Variants in PIGK observed in about 807,000 individuals in gnomAD.
PIGK encodes the protein phosphatidylinositol glycan anchor biosynthesis class K.
In PIGK, 42 loss-of-function variants were observed where a neutral mutation model predicts 50.6. The ratio of observed to expected loss-of-function variants is 0.83; its 90% confidence interval spans 0.65 to 1.07. PIGK has a LOEUF of 1.07. PIGK is among the 50% of genes least tolerant of loss of function. The probability of loss-of-function intolerance (pLI) is 0.00; values close to 1 mark genes in which losing one functional copy is unlikely to be tolerated. For missense variants in PIGK, 448 were observed against 488.7 expected (o/e 0.92, Z 0.78); for synonymous variants, 151 against 156.0 (o/e 0.97, Z 0.24).
chr1:77,198,498 G>A (rs951879916), intron 3 of PIGK, among the ~76,000 whole-genome samples: 1 of 151,900 alleles, frequency 6.6e-6, no homozygotes, highest in Non-Finnish European at 1.5e-5. Context: ...ATTGTTTGAA[G>A]ATTTTATGGC....
chr1:77,184,279 G>A (rs1432121470), intron 3 of PIGK, among the ~76,000 whole-genome samples: 1 of 151,968 alleles, frequency 6.6e-6, no homozygotes, highest in African/African-American at 2.4e-5. Context: ...AGAAAACTTC[G>A]AGGTCAAATG....
chr1:77,091,745 C>T lies in PIGK; in HGVS notation c.*629G>A, dbSNP rs1653304674. On this transcript the variant is annotated 3_prime_UTR_variant, in exon 11 of 11. Transcript: ENST00000370812. Reference sequence around the variant, plus strand: ...TAAAGCTGCAGGATTCCATGAGTGACCAGCAGTAAAATATTAATACATTAA... The same window carrying T: ...TAAAGCTGCAGGATTCCATGAGTGATCAGCAGTAAAATATTAATACATTAA... The T allele has an allele frequency of 6.6e-6, 1 of 152,006 alleles. No individual in the cohort carries two copies. Among genetic ancestry groups the T allele is most frequent in the Non-Finnish European group, 1.5e-5 (1 of 68,004 alleles). The allele number at this position is 152,006 out of a possible 1,614,324, so 9.4% of individuals were successfully genotyped here. A position where few individuals can be genotyped will look rare whatever the true frequency, so the allele number is the denominator to read the frequency against.
intron 9 of PIGK, chr1:77,154,148 C>T (rs977588831): frequency 9.2e-6 from 4 of 433,106 alleles, no homozygotes; most frequent in Non-Finnish European, 1.6e-5. Context: ...AAAATTATGG[C>T]GCTGGGATAG....
intron 10 of PIGK, among the ~76,000 whole-genome samples, chr1:77,100,355 T>G (rs1467371832): frequency 6.6e-6 from 1 of 152,226 alleles, no homozygotes; most frequent in Non-Finnish European, 1.5e-5. Context: ...TTATTAGTAT[T>G]TCCAGTCTAT....
chr1:77,111,525 C>T (rs1653843795), intron 10 of PIGK, among the ~76,000 whole-genome samples: 1 of 150,480 alleles, frequency 6.6e-6, no homozygotes. Flanking sequence ...CCAAACACCA[C>T]ATGTTCTCAC....
At chr1:77,095,243 A>G (rs1653383091) in intron 10 of PIGK, among the ~76,000 whole-genome samples, 1 of 152,148 alleles carries the variant, frequency 6.6e-6, no homozygotes, top group South Asian at 2.1e-4. Context: ...ACAACAGCAC[A>G]CCCTACCAAA....
chr1:77,147,363 G>C (rs1300418956), intron 9 of PIGK, among the ~76,000 whole-genome samples: 1 of 151,006 alleles, frequency 6.6e-6, no homozygotes, highest in Non-Finnish European at 1.5e-5. Flanking sequence ...CAGGAGGAGA[G>C]AGGAGGGAAC....
intron 10 of PIGK, among the ~76,000 whole-genome samples, chr1:77,121,780 G>A (rs916866073): frequency 5.9e-5 from 9 of 152,230 alleles, no homozygotes; most frequent in South Asian, 2.1e-4. Context: ...TATGTAGAAC[G>A]GATGATAAAA....
At chr1:77,210,359 CA>C in intron 2 of PIGK, 76 bp downstream of exon 2, 1 of 797,318 alleles carries the variant, frequency 1.3e-6, no homozygotes, top group Non-Finnish European at 1.9e-6. Flanking sequence ...ATTGTATTTT[CA>C]AAAATTTGAT....
chr1:77,134,453 G>A (rs1654453100), intron 9 of PIGK, among the ~76,000 whole-genome samples: 1 of 152,182 alleles, frequency 6.6e-6, no homozygotes, highest in Admixed American at 6.5e-5. Flanking sequence ...ATCTTGAAAA[G>A]GAAAGTTATT....
chr1:77,106,289 AGGACT>A, intron 10 of PIGK, among the ~76,000 whole-genome samples: 1 of 152,148 alleles, frequency 6.6e-6, no homozygotes, highest in East Asian at 1.9e-4. Context: ...GTGGAAAAGG[AGGACT>A]GGCATCCTCC....
intron 9 of PIGK, among the ~76,000 whole-genome samples, chr1:77,137,368 G>A (rs1490063697): frequency 6.6e-6 from 1 of 152,144 alleles, no homozygotes; most frequent in Non-Finnish European, 1.5e-5. Flanking sequence ...ATATGTGGTT[G>A]TTATTTAGAC....
chr1:77,104,403 A>C (rs1182736486), intron 10 of PIGK, among the ~76,000 whole-genome samples: 1 of 152,236 alleles, frequency 6.6e-6, no homozygotes, highest in Non-Finnish European at 1.5e-5. Flanking sequence ...TCTTGAGATA[A>C]AAAATATGAA....
intron 9 of PIGK, among the ~76,000 whole-genome samples, chr1:77,139,286 C>T (rs1196539726): frequency 6.6e-6 from 1 of 151,688 alleles, no homozygotes; most frequent in African/African-American, 2.4e-5. Flanking sequence ...CTGTTGCAAG[C>T]CACTGTTCAG....
intron 3 of PIGK, among the ~76,000 whole-genome samples, chr1:77,201,914 C>G (rs1190644732): frequency 2.0e-5 from 3 of 151,770 alleles, no homozygotes; most frequent in African/African-American, 4.8e-5. Flanking sequence ...AAAAATTAGC[C>G]AGGCATGGTG....
intron 9 of PIGK, among the ~76,000 whole-genome samples, chr1:77,143,062 A>G (rs1002734691): frequency 2.0e-5 from 3 of 152,204 alleles, no homozygotes; most frequent in African/African-American, 7.2e-5. Flanking sequence ...ACAGATTTAT[A>G]TATTAATGTA....
At chr1:77,110,157 A>G (rs1371856699) in intron 10 of PIGK, among the ~76,000 whole-genome samples, 2 of 152,242 alleles carry the variant, frequency 1.3e-5, no homozygotes, top group Non-Finnish European at 2.9e-5. Flanking sequence ...GGTAGGAAGA[A>G]TCAATATCGA....
chr1:77,139,197 T>A (rs750866475), intron 9 of PIGK, among the ~76,000 whole-genome samples: 2 of 152,098 alleles, frequency 1.3e-5, no homozygotes, highest in Non-Finnish European at 2.9e-5. Flanking sequence ...CCTTCCACAT[T>A]CATTCGGCAC....
Position 77,122,302 on chromosome 1 carries a change from T to C in PIGK, c.1044A>G (p.Gln348=), listed in dbSNP as rs775599371. ...GGTGTATTATCTGAGCTACAGGAAGTTGTTCAGCATATTTCAGAGGTTCCA... is the reference window on the plus strand; with the variant it reads ...GGTGTATTATCTGAGCTACAGGAAGCTGTTCAGCATATTTCAGAGGTTCCA... ...KLMEPLKYAE[Q]LPVAQIIHQK... The change falls in exon 10 of 11, where the codon CAA becomes CAG. Residue 348 remains glutamine (Q), a synonymous_variant. Transcript: ENST00000370812. 5.6e-6 allele frequency: 9 copies of C among 1,602,838 alleles called. No homozygotes were observed. The highest frequency in any genetic ancestry group is 7.7e-6 in the Non-Finnish European group (9 of 1,170,184).
Sources: gnomAD v4.1 joint callset for allele counts (sites outside exome capture counted in the v4.1 genomes callset) on GRCh38, gnomAD v4.1.1 for gene constraint, MANE v1.5 for transcripts, NCBI Gene and HGNC (gene_info 2026-07-23, HGNC 2026-07-21) for gene names.